SLC3A1: variants seen among roughly 807,000 people sequenced by gnomAD.
SLC3A1 encodes amino acid transporter heavy chain SLC3A1.
In SLC3A1, 78 loss-of-function variants were observed where a neutral mutation model predicts 60.3. The observed-to-expected ratio is 1.29, with a 90% CI of 1.08 to 1.56. SLC3A1 has a LOEUF of 1.56. Among genes scored for constraint, SLC3A1 ranks in the 40% most tolerant of loss-of-function variants. SLC3A1 has a pLI of 0.00. For missense variants in SLC3A1, 1,172 were observed against 858.9 expected (o/e 1.36, Z -4.56); for synonymous variants, 392 against 307.9 (o/e 1.27, Z -2.86).
intron 9 of SLC3A1, 36 bp from the exon 10 acceptor site, chr2:44,320,163 T>G: frequency 1.3e-6 from 2 of 1,517,510 alleles, no homozygotes; most frequent in Non-Finnish European, 9.1e-7. Flanking sequence ...ATTCTTAGAA[T>G]CAAACACTTA....
At chr2:44,307,511 C>A (rs1672187320) in intron 7 of SLC3A1, among the ~76,000 whole-genome samples, 1 of 151,294 alleles carries the variant, frequency 6.6e-6, no homozygotes, top group African/African-American at 2.4e-5. Flanking sequence ...TTGTGATGGT[C>A]TGCCTTTCTG....
chr2:44,310,293 A>G (rs976762545), intron 7 of SLC3A1, among the ~76,000 whole-genome samples: 5 of 152,218 alleles, frequency 3.3e-5, no homozygotes, highest in Non-Finnish European at 7.3e-5. Context: ...CGAAGGTTCC[A>G]ATTTCTTTTC....
At chr2:44,319,232 C>G (rs192371707) in intron 9 of SLC3A1, 15 of 152,722 alleles carry the variant, frequency 9.8e-5, no homozygotes, top group Admixed American at 3.3e-4. Context: ...ACTATCACCC[C>G]AGTAAACATG....
chr2:44,295,186 AACTTGCTTCCTTAATGTTG>A (rs2104355170), intron 4 of SLC3A1, among the ~76,000 whole-genome samples: 1 of 152,328 alleles, frequency 6.6e-6, no homozygotes, highest in African/African-American at 2.4e-5. Context: ...TGGATATGTT[AACTTGCTTCCTTAATGTTG>A]ACTTGCTTTC....
chr2:44,281,644 T>A, intron 3 of SLC3A1, 103 bp downstream of exon 3: 1 of 1,116,366 alleles, frequency 9.0e-7, no homozygotes, highest in Non-Finnish European at 1.3e-6. Flanking sequence ...ATGAATATAG[T>A]TTATCGGAAG....
intron 4 of SLC3A1, among the ~76,000 whole-genome samples, chr2:44,292,673 T>C (rs912249449): frequency 6.6e-5 from 10 of 152,074 alleles, no homozygotes; most frequent in Non-Finnish European, 1.5e-4. Flanking sequence ...ATGAGCTAAG[T>C]GAAGAGGCAT....
Position 44,320,450 on chromosome 2 carries a change from T to C in SLC3A1, c.1869T>C (p.Ser623=), listed in dbSNP as rs770711385. The change falls in exon 10 of 10, where the codon AGT becomes AGC. Residue 623 remains serine (S), a synonymous_variant. Transcript: ENST00000260649. ...CCGCTAAAATGAGAATAAGGTTAAG[T>C]ACCAATTCTGCCGACAAAGGCAGTA... ...GLPAKMRIRL[S]TNSADKGSKV... 1.2e-6 allele frequency: 2 copies of C among 1,614,012 alleles called. No homozygotes were observed. Among genetic ancestry groups the C allele is most frequent in the African/African-American group, 1.3e-5 (1 of 74,940 alleles).
chr2:44,318,253 G>A (rs1558474057), intron 9 of SLC3A1: 3 of 306,816 alleles, frequency 9.8e-6, no homozygotes, highest in Non-Finnish European at 1.9e-5. Context: ...ATTATGCCCG[G>A]GTAATTTCTG....
In SLC3A1 at chr2:44,320,670, A is replaced by T; in HGVS notation, c.*31A>T. ...TTTATGAAGAGATGAAGACACTGGC[A>T]TTTCAGTGGGATTGTAAGCATTTGT... is the stretch of plus-strand genomic sequence containing the variant. On this transcript the variant is annotated 3_prime_UTR_variant, in exon 10 of 10. Transcript: ENST00000260649. The T allele has an allele frequency of 6.5e-7, 1 of 1,546,960 alleles. No homozygotes were observed. Among genetic ancestry groups the T allele is most frequent in the Non-Finnish European group, 8.9e-7 (1 of 1,119,208 alleles).
chr2:44,282,273 G>C (rs1223907050), intron 3 of SLC3A1, among the ~76,000 whole-genome samples: 2 of 152,128 alleles, frequency 1.3e-5, no homozygotes, highest in Non-Finnish European at 2.9e-5. Flanking sequence ...TAGTAGTTGA[G>C]TCTCTGGAGA....
chr2:44,317,835 CAAT>C lies in SLC3A1; in HGVS notation c.1618-2360_1618-2358del, dbSNP rs879386404. On this transcript the variant is annotated intron_variant, in intron 9 of 9. Transcript: ENST00000260649. Reference sequence around the variant, plus strand: ...GCTTCCGAATTATGTCTAAATAATACAATAATTACAAATATGAATGGGTTAAAT... The same window carrying C: ...GCTTCCGAATTATGTCTAAATAATACAATTACAAATATGAATGGGTTAAAT... The C allele has an allele frequency of 8.3e-5, 14 of 169,344 alleles. No homozygotes were observed. The South Asian group carries it at 1.0e-3, about 13-fold the overall frequency. 10.5% of individuals were successfully genotyped at this position (169,344 alleles called of 1,614,324 possible). A position where few individuals can be genotyped will look rare whatever the true frequency, so the allele number is the denominator to read the frequency against.
In SLC3A1 at chr2:44,281,522, C is replaced by G; in HGVS notation, c.746C>G (p.Thr249Ser). ...WHDCTHENGK[T>S]IPPNNWLSVY... Reference sequence around the variant, plus strand: ...GACTGTACCCATGAAAATGGCAAAACCATTCCACCCAACAACTGGGTAAGT... The same window carrying G: ...GACTGTACCCATGAAAATGGCAAAAGCATTCCACCCAACAACTGGGTAAGT... The change falls in exon 3 of 10, where the codon ACC (threonine) becomes AGC (serine). Residue 249 changes from threonine (T) to serine (S), a missense_variant. Coordinates refer to ENST00000260649, the MANE Select transcript of SLC3A1 (RefSeq NM_000341.4). 4 of 1,613,992 alleles carry G rather than the reference C, an allele frequency of 2.5e-6. No individual in the cohort carries two copies. Among genetic ancestry groups the G allele is most frequent in the Non-Finnish European group, 3.4e-6 (4 of 1,179,956 alleles).
At chr2:44,321,672 T>A, downstream of SLC3A1, 1 of 1,539,352 alleles carries the variant, frequency 6.5e-7, no homozygotes, top group Non-Finnish European at 8.8e-7. Context: ...TTCTCTTGAT[T>A]GACACAGTGT....
chr2:44,321,618 TTTTC>T, downstream of SLC3A1: 2 of 1,480,504 alleles, frequency 1.4e-6, no homozygotes, highest in Non-Finnish European at 1.8e-6. Flanking sequence ...GATTAAATTA[TTTTC>T]TTTAACAGAG....
chr2:44,302,104 ATT>A (rs199866598), intron 6 of SLC3A1, among the ~76,000 whole-genome samples: 8,260 of 152,232 alleles, frequency 0.054, 294 homozygotes, highest in South Asian at 0.17. Context: ...TATTTTTATC[ATT>A]GTTATTGGAT....
At chr2:44,307,950 T>C (rs777845832) in intron 7 of SLC3A1, among the ~76,000 whole-genome samples, 3 of 152,198 alleles carry the variant, frequency 2.0e-5, no homozygotes, top group African/African-American at 4.8e-5. Flanking sequence ...CTTTGCTTCA[T>C]TGGATTATCA....
chr2:44,280,695 G>A, intron 1 of SLC3A1, 21 bp from the exon 2 acceptor site: 1 of 1,567,042 alleles, frequency 6.4e-7, no homozygotes, highest in Non-Finnish European at 8.8e-7. Flanking sequence ...GTTTATTCAT[G>A]ACTTTGACTT....
At chr2:44,292,025 T>TC (rs1671750658) in intron 4 of SLC3A1, among the ~76,000 whole-genome samples, 2 of 152,174 alleles carry the variant, frequency 1.3e-5, no homozygotes, top group Non-Finnish European at 2.9e-5. Context: ...ACTTTCCCAA[T>TC]CACTTTGGTT....
chr2:44,296,101 C>G (rs1671840565), intron 4 of SLC3A1, among the ~76,000 whole-genome samples: 1 of 152,152 alleles, frequency 6.6e-6, no homozygotes, highest in South Asian at 2.1e-4. Context: ...CACTGAAAAC[C>G]TGTTCTAGAA....
Sources: allele counts gnomAD v4.1 joint callset (sites outside exome capture counted in the v4.1 genomes callset), GRCh38; gene constraint gnomAD v4.1.1; transcripts MANE v1.5; gene names NCBI Gene and HGNC (gene_info 2026-07-23, HGNC 2026-07-21).